The following NCK2 variants were observed in gnomAD, a reference collection of about 807,000 sequenced individuals.
The protein encoded by NCK2 is cytoplasmic protein NCK2.
Under a neutral mutation model 33.9 loss-of-function variants are expected in NCK2, and 16 were observed. That is an observed-to-expected ratio of 0.47 (90% CI 0.32 to 0.72). The LOEUF is 0.72. NCK2 is among the 30% of genes least tolerant of loss of function. NCK2 has a pLI of 0.03. For synonymous variants in NCK2, 273 were observed against 239.9 expected (o/e 1.14, Z -1.27); for missense variants, 418 against 537.3 (o/e 0.78, Z 2.19).
chr2:105,758,804 C>T (rs1417058273), intron 1 of NCK2, among the ~76,000 whole-genome samples: 1 of 152,180 alleles, frequency 6.6e-6, no homozygotes, highest in Non-Finnish European at 1.5e-5. Flanking sequence ...TACTGTACTG[C>T]TCTGACAGTA....
At chr2:105,747,875 G>A (rs1418925119) in intron 1 of NCK2, among the ~76,000 whole-genome samples, 1 of 152,172 alleles carries the variant, frequency 6.6e-6, no homozygotes, top group East Asian at 1.9e-4. Context: ...CTTTTAACGG[G>A]CTATCAAAAG....
At position 105,808,593 on chromosome 2, in the gene NCK2, G is replaced by A. The variant is rs138111777; in HGVS notation, c.-200-7837G>A. Among the ~76,000 whole-genome samples, 776 of 152,282 alleles carry A rather than the reference G, an allele frequency of 5.1e-3. 5 individuals carry two copies. Among genetic ancestry groups the A allele is most frequent in the Non-Finnish European group, 9.0e-3 (612 of 68,006 alleles). ...TACAAATGCCAGGGCTGGGGAGCAC[G>A]TGAAAAACACCAGAGGGATGGAGTG... On this transcript the variant is annotated intron_variant, in intron 1 of 4. Transcript: ENST00000233154.
At chr2:105,879,254 A>C (rs1379308427) in intron 3 of NCK2, among the ~76,000 whole-genome samples, 1 of 152,256 alleles carries the variant, frequency 6.6e-6, no homozygotes, top group Non-Finnish European at 1.5e-5. Context: ...AGTTGGCCTC[A>C]GCGTAGCCCT....
At chr2:105,835,400 T>C (rs755644764) in intron 2 of NCK2, among the ~76,000 whole-genome samples, 187 of 72,704 alleles carry the variant, frequency 2.6e-3, no homozygotes, top group South Asian at 6.6e-3. Context: ...TATATATATA[T>C]ATATACGTGT....
chr2:105,803,485 T>A (rs1303199444), intron 1 of NCK2, among the ~76,000 whole-genome samples: 2 of 152,236 alleles, frequency 1.3e-5, no homozygotes, highest in African/African-American at 2.4e-5. Flanking sequence ...GTGACTGATT[T>A]CATTCTACCA....
rs536476607 is a variant in NCK2, at chr2:105,774,290, T to G, written c.-201+29152T>G. Among the ~76,000 whole-genome samples, 138 of 152,252 alleles carry G rather than the reference T, an allele frequency of 9.1e-4. 3 individuals carry two copies. The highest frequency in any genetic ancestry group is 3.2e-3 in the African/African-American group (135 of 41,560). ...CTCTAAAGTGCTGGGATTACAGGTGTGAGCCACTGTGCCCAGCCTCCAGCT... is the reference window on the plus strand; with the variant it reads ...CTCTAAAGTGCTGGGATTACAGGTGGGAGCCACTGTGCCCAGCCTCCAGCT... On this transcript the variant is annotated intron_variant, in intron 1 of 4. Coordinates refer to ENST00000233154, the MANE Select transcript of NCK2 (RefSeq NM_003581.5).
intron 1 of NCK2, among the ~76,000 whole-genome samples, chr2:105,805,072 G>A (rs952975230): frequency 2.6e-5 from 4 of 152,218 alleles, no homozygotes; most frequent in Non-Finnish European, 1.5e-5. Flanking sequence ...AAAAGTTGCA[G>A]TCCCTTCCCA....
intron 2 of NCK2, among the ~76,000 whole-genome samples, chr2:105,837,186 T>C (rs1676466302): frequency 6.6e-6 from 1 of 152,192 alleles, no homozygotes. Context: ...TGCTGTGTGG[T>C]TATCTATTGT....
chr2:105,751,429 C>T (rs1399066428), intron 1 of NCK2, among the ~76,000 whole-genome samples: 1 of 152,184 alleles, frequency 6.6e-6, no homozygotes, highest in African/African-American at 2.4e-5. Flanking sequence ...GACCTGCACA[C>T]GGTGGCTCTC....
chr2:105,744,670 C>A (rs1487029236), upstream of NCK2, among the ~76,000 whole-genome samples: 3 of 151,838 alleles, frequency 2.0e-5, no homozygotes, highest in Non-Finnish European at 4.4e-5. Context: ...CAGCCCCGCG[C>A]TATCCCGGCG....
chr2:105,754,981 T>G (rs978630381), intron 1 of NCK2, among the ~76,000 whole-genome samples: 1 of 152,114 alleles, frequency 6.6e-6, no homozygotes, highest in African/African-American at 2.4e-5. Context: ...CCTCACTTTT[T>G]TGTGTGTGAC....
intron 2 of NCK2, among the ~76,000 whole-genome samples, chr2:105,848,014 T>G (rs1424543835): frequency 6.6e-6 from 1 of 152,146 alleles, no homozygotes; most frequent in Non-Finnish European, 1.5e-5. Flanking sequence ...TCTGTTTAAG[T>G]TTTCTGTTTT....
chr2:105,883,800 A>G (rs1447532870), intron 4 of NCK2, among the ~76,000 whole-genome samples: 1 of 152,146 alleles, frequency 6.6e-6, no homozygotes, highest in African/African-American at 2.4e-5. Context: ...AATTGTTTGT[A>G]TTTCCTTTTA....
chr2:105,774,338 G>A (rs554898223), intron 1 of NCK2, among the ~76,000 whole-genome samples: 1 of 152,166 alleles, frequency 6.6e-6, no homozygotes, highest in South Asian at 2.1e-4. Context: ...GATGTTTTAG[G>A]TACCTGAGTC....
intron 1 of NCK2, among the ~76,000 whole-genome samples, chr2:105,766,742 C>G (rs1465285439): frequency 2.0e-5 from 3 of 152,260 alleles, no homozygotes; most frequent in Non-Finnish European, 4.4e-5. Flanking sequence ...AGCCCTGGCT[C>G]TGTCCCCAGA....
chr2:105,833,392 G>C (rs1676272427), intron 2 of NCK2, among the ~76,000 whole-genome samples: 1 of 151,986 alleles, frequency 6.6e-6, no homozygotes, highest in South Asian at 2.1e-4. Flanking sequence ...CACCCAGCCA[G>C]GTTTTCTATT....
At chr2:105,764,051 G>T (rs1483706585) in intron 1 of NCK2, among the ~76,000 whole-genome samples, 1 of 152,266 alleles carries the variant, frequency 6.6e-6, no homozygotes, top group Non-Finnish European at 1.5e-5. Flanking sequence ...GCTGCCCTCA[G>T]CCCCGTTTAA....
chr2:105,858,047 G>T lies in NCK2; in HGVS notation c.226+2758G>T, dbSNP rs557654358. Among the ~76,000 whole-genome samples, 1,054 of 128,720 alleles carry T rather than the reference G, an allele frequency of 8.2e-3. 18 individuals are homozygous for T. The highest frequency in any genetic ancestry group is 0.026 in the African/African-American group (993 of 37,824). The allele number at this position is 128,720 out of a possible 152,430, so 84.4% of individuals were successfully genotyped here. ...TGTTTTTTGTTCTTTGTTTTTTGGG[G>T]TTTTTTTTTTGTTTTTTTTTTTGCT... On this transcript the variant is annotated intron_variant, in intron 3 of 4. Transcript: ENST00000233154.
intron 1 of NCK2, among the ~76,000 whole-genome samples, 161 bp downstream of exon 1, chr2:105,745,299 C>T (rs1336229535): frequency 6.6e-6 from 1 of 151,648 alleles, no homozygotes; most frequent in African/African-American, 2.4e-5. Flanking sequence ...CTGCCGCGGC[C>T]TGGGCGCCCC....
Sources: allele counts gnomAD v4.1 joint callset (sites outside exome capture counted in the v4.1 genomes callset), GRCh38; gene constraint gnomAD v4.1.1; transcripts MANE v1.5; gene names NCBI Gene and HGNC (gene_info 2026-07-23, HGNC 2026-07-21).